THEM4: variants seen among roughly 807,000 people sequenced by gnomAD.
THEM4 encodes the protein thioesterase superfamily member 4.
In THEM4, 22 loss-of-function variants were observed where a neutral mutation model predicts 25.0. The observed-to-expected ratio is 0.88, with a 90% confidence interval of 0.63 to 1.26. The LOEUF is 1.26. Among genes scored for constraint, THEM4 ranks in the 50% most tolerant of loss-of-function variants. The pLI is 0.00. For missense variants in THEM4, 286 were observed against 300.3 expected (o/e 0.95, Z 0.35); for synonymous variants, 113 against 105.6 (o/e 1.07, Z -0.43).
chr1:151,903,009 T>C (rs1654384017), intron 1 of THEM4, among the ~76,000 whole-genome samples: 1 of 151,860 alleles, frequency 6.6e-6, no homozygotes, highest in East Asian at 1.9e-4. Flanking sequence ...AACAAAAAAC[T>C]CTACAGAATA....
chr1:151,872,877 C>T lies in THEM4; in HGVS notation c.*2011G>A, dbSNP rs1034602651. Among the ~76,000 whole-genome samples, 2 of 152,128 alleles carry T rather than the reference C, an allele frequency of 1.3e-5. No individual in the cohort carries two copies. Among genetic ancestry groups the T allele is most frequent in the East Asian group, 3.8e-4 (2 of 5,200 alleles). On this transcript the variant is annotated 3_prime_UTR_variant, in exon 6 of 6. Coordinates refer to ENST00000368814, the MANE Select transcript of THEM4 (RefSeq NM_053055.5). ...CCCACTGAGACAGCCTGAGATATGG[C>T]CTCCCGGGAAGGGAAAGACCTGACC...
chr1:151,905,273 C>T (rs1654432406), intron 1 of THEM4, among the ~76,000 whole-genome samples: 1 of 152,176 alleles, frequency 6.6e-6, no homozygotes, highest in South Asian at 2.1e-4. Context: ...GAGCAGCTCC[C>T]TCTTCCTCTG....
At chr1:151,905,973 G>T (rs190459828) in intron 1 of THEM4, among the ~76,000 whole-genome samples, 163 of 152,364 alleles carry the variant, frequency 1.1e-3, no homozygotes, top group Non-Finnish European at 1.4e-3. Flanking sequence ...ACAGTGTGCT[G>T]GAAGTCCTCA....
At chr1:151,900,845 C>T (rs367773132) in intron 1 of THEM4, among the ~76,000 whole-genome samples, 24 of 152,192 alleles carry the variant, frequency 1.6e-4, no homozygotes, top group Middle Eastern at 3.4e-3. Flanking sequence ...GTGACATATT[C>T]GTGATGGCCA....
At chr1:151,881,900 CTCT>C (rs1360699483) in intron 4 of THEM4, among the ~76,000 whole-genome samples, 1 of 151,976 alleles carries the variant, frequency 6.6e-6, no homozygotes, top group African/African-American at 2.4e-5. Context: ...AATACTGGAT[CTCT>C]TCAATTCTCT....
In THEM4 at chr1:151,895,181, G is replaced by C. The variant is rs144257719; in HGVS notation, c.113C>G (p.Ser38Cys). ...ACAGTCCTTAAGAATGACTTCCTCA[G>C]AAGAAAATGACCTCTAAAAGACAGA... ...EPRPELRSFSSEEVILKDCSV... is the reference protein window; with the variant it reads ...EPRPELRSFSCEEVILKDCSV... The change falls in exon 2 of 6, where the codon TCT (serine) becomes TGT (cysteine). Residue 38 changes from serine to cysteine, a missense_variant. Ser to Cys is a moderately radical substitution (Grantham distance 112). Coordinates refer to ENST00000368814, the MANE Select transcript of THEM4 (RefSeq NM_053055.5). 7.4e-3 allele frequency: 11,857 copies of C among 1,609,822 alleles called. 64 individuals are homozygous for C. Among genetic ancestry groups the C allele is most frequent in the Non-Finnish European group, 9.3e-3 (10,936 of 1,178,952 alleles).
At chr1:151,879,539 G>A (rs1653762217) in intron 4 of THEM4, among the ~76,000 whole-genome samples, 1 of 151,396 alleles carries the variant, frequency 6.6e-6, no homozygotes, top group African/African-American at 2.4e-5. Context: ...AATGTGTGCT[G>A]GGAAAAAGAA....
rs1391001459 is a variant in THEM4, at chr1:151,909,411, G to A, written c.48C>T (p.Cys16=). 6.7e-7 allele frequency: 1 copy of A among 1,494,624 alleles called. No individual in the cohort carries two copies. Among genetic ancestry groups the A allele is most frequent in the Non-Finnish European group, 8.9e-7 (1 of 1,129,186 alleles). 92.6% of individuals were successfully genotyped at this position (1,494,624 alleles called of 1,614,324 possible). A position where few individuals can be genotyped will look rare whatever the true frequency, so the allele number is the denominator to read the frequency against. ...GCAGGCGCCGGCCTACTGGCGGCAG[G>A]CACAGAGCCCCCAGCGTGCGGAGGC... ...AARLRTLGAL[C]LPPVGRRLPG... Residue 16 remains cysteine, a synonymous_variant, in exon 1 of 6, where the codon TGC becomes TGT. Coordinates refer to ENST00000368814, the MANE Select transcript of THEM4 (RefSeq NM_053055.5).
intron 1 of THEM4, among the ~76,000 whole-genome samples, chr1:151,901,988 AGCTAAGGCAGTG>A (rs1487431053): frequency 2.0e-5 from 3 of 152,240 alleles, no homozygotes; most frequent in Non-Finnish European, 4.4e-5. Context: ...TCTGGGATAC[AGCTAAGGCAGTG>A]CTAAGAGGAA....
chr1:151,885,883 T>G (rs1653956450), intron 4 of THEM4, among the ~76,000 whole-genome samples: 1 of 152,238 alleles, frequency 6.6e-6, no homozygotes, highest in South Asian at 2.1e-4. Context: ...GATGATTAAT[T>G]GACACTGCAA....
chr1:151,887,321 T>C (rs1179232323), intron 4 of THEM4, among the ~76,000 whole-genome samples: 1 of 152,030 alleles, frequency 6.6e-6, no homozygotes, highest in Non-Finnish European at 1.5e-5. Flanking sequence ...TACCAGCTAC[T>C]TGGCAGGCTG....
chr1:151,903,573 T>A (rs1449161892), intron 1 of THEM4, among the ~76,000 whole-genome samples: 2 of 152,260 alleles, frequency 1.3e-5, no homozygotes, highest in Non-Finnish European at 2.9e-5. Flanking sequence ...TTTGGATTAT[T>A]TCCTTAGAAT....
chr1:151,890,134 G>A (rs897941547), intron 2 of THEM4: 9 of 446,564 alleles, frequency 2.0e-5, no homozygotes, highest in Non-Finnish European at 4.1e-5. Flanking sequence ...TTGAACTCCC[G>A]AACTCAGGGA....
At chr1:151,906,002 G>A (rs900596828) in intron 1 of THEM4, among the ~76,000 whole-genome samples, 4 of 152,202 alleles carry the variant, frequency 2.6e-5, no homozygotes, top group South Asian at 2.1e-4. Context: ...GCTCCCTCTC[G>A]GCGCCTCCTC....
chr1:151,887,203 C>A (rs564850589), intron 4 of THEM4, among the ~76,000 whole-genome samples: 2 of 152,232 alleles, frequency 1.3e-5, no homozygotes, highest in South Asian at 2.1e-4. Flanking sequence ...CCAAGGCAGG[C>A]GGATCACTTG....
intron 4 of THEM4, among the ~76,000 whole-genome samples, chr1:151,882,792 A>G (rs1277501654): frequency 1.3e-5 from 2 of 152,162 alleles, no homozygotes; most frequent in Admixed American, 1.3e-4. Context: ...TTAAATTTCA[A>G]TGGAAGGGGA....
chr1:151,898,968 G>A (rs892150196), intron 1 of THEM4, among the ~76,000 whole-genome samples: 1 of 152,220 alleles, frequency 6.6e-6, no homozygotes, highest in African/African-American at 2.4e-5. Context: ...CTTTGACAGA[G>A]TCTACCTACC....
In THEM4 at chr1:151,909,472, G is replaced by T; in HGVS notation, c.-14C>A. ...GCTCCTCAGCATGGCTCCGGGCCGC[G>T]GGGCCGCGCTTGCTCTAGCCCTGGA... On this transcript the variant is annotated 5_prime_UTR_variant, in exon 1 of 6. Transcript: ENST00000368814. 9 of 1,376,778 alleles carry T rather than the reference G, an allele frequency of 6.5e-6. No individual in the cohort carries two copies. The highest frequency in any genetic ancestry group is 7.5e-6 in the Non-Finnish European group (8 of 1,073,782). The allele number at this position is 1,376,778 out of a possible 1,614,324, so 85.3% of individuals were successfully genotyped here.
intron 4 of THEM4, among the ~76,000 whole-genome samples, chr1:151,881,746 G>C (rs1490205802): frequency 1.3e-5 from 2 of 152,150 alleles, no homozygotes; most frequent in Non-Finnish European, 2.9e-5. Context: ...CTGCTTTTAA[G>C]ATCTCTTTGT....
Sources: allele counts gnomAD v4.1 joint callset (sites outside exome capture counted in the v4.1 genomes callset), GRCh38; gene constraint gnomAD v4.1.1; transcripts MANE v1.5; gene names NCBI Gene and HGNC (gene_info 2026-07-23, HGNC 2026-07-21).